C12orf42: variants seen among roughly 807,000 people sequenced by gnomAD.
C12orf42 encodes chromosome 12 open reading frame 42, also known as uncharacterized protein C12orf42.
A neutral mutation model predicts 21.6 loss-of-function variants in C12orf42; 25 were observed. The ratio of observed to expected loss-of-function variants is 1.16; its 90% CI spans 0.84 to 1.62. The LOEUF (loss-of-function observed/expected upper bound fraction) is 1.62, where lower values mean the gene tolerates loss of function less well. Ranked by LOEUF, C12orf42 falls within the 40% of genes most tolerant of loss-of-function variation. C12orf42 has a pLI of 0.00. For missense variants in C12orf42, 483 were observed against 459.3 expected, an observed-to-expected ratio of 1.05 and a Z score of -0.47; for synonymous variants, 174 against 175.0, an observed-to-expected ratio of 0.99 and a Z score of 0.05.
At chr12:103,387,312 A>C (rs751515861) in intron 3 of C12orf42, among the ~76,000 whole-genome samples, 14 of 151,800 alleles carry the variant, frequency 9.2e-5, no homozygotes, top group Non-Finnish European at 1.6e-4. Flanking sequence ...CATCTCCTTC[A>C]CCTCTTTGCT....
the C12orf42 span, among the ~76,000 whole-genome samples, chr12:103,193,786 A>G: frequency 6.6e-6 from 1 of 152,232 alleles, no homozygotes; most frequent in Non-Finnish European, 1.5e-5. Context: ...ATTAATACCA[A>G]TCACTTTTAA....
the C12orf42 span, among the ~76,000 whole-genome samples, chr12:103,180,615 CTTTTTTTTTTTTTTTTTTTT>C: frequency 3.2e-5 from 2 of 61,964 alleles, no homozygotes; most frequent in South Asian, 1.2e-3. Context: ...AAATAATTTC[CTTTTTTTTTTTTTTTTTTTT>C]TTTTTTTTTT....
chr12:103,250,261 C>T (rs1325535744), intron 10 of C12orf42, among the ~76,000 whole-genome samples: 3 of 152,006 alleles, frequency 2.0e-5, no homozygotes, highest in Admixed American at 1.3e-4. Flanking sequence ...CCAATTATAT[C>T]ACGAGACCCT....
chr12:103,501,650 T>C, the C12orf42 span, among the ~76,000 whole-genome samples: 8 of 152,348 alleles, frequency 5.3e-5, no homozygotes, highest in South Asian at 2.1e-4. Context: ...TGCGCAACTC[T>C]AGTGTTGCCA....
chr12:103,177,761 T>C, the C12orf42 span, among the ~76,000 whole-genome samples: 1 of 152,184 alleles, frequency 6.6e-6, no homozygotes, highest in Non-Finnish European at 1.5e-5. Flanking sequence ...GCTGCTTTTG[T>C]GTATTAAACT....
the C12orf42 span, among the ~76,000 whole-genome samples, chr12:103,555,250 CCTCA>C: frequency 6.6e-6 from 1 of 152,102 alleles, no homozygotes; most frequent in Admixed American, 6.5e-5. Flanking sequence ...GCTGGGGAGG[CCTCA>C]CAATCATGGT....
intron 3 of C12orf42, among the ~76,000 whole-genome samples, chr12:103,394,565 G>T (rs1277545883): frequency 6.6e-6 from 1 of 152,214 alleles, no homozygotes; most frequent in Non-Finnish European, 1.5e-5. Context: ...TATAATCGCT[G>T]ATTTGGTTAT....
chr12:103,071,786 T>A, the C12orf42 span, among the ~76,000 whole-genome samples: 1 of 152,072 alleles, frequency 6.6e-6, no homozygotes, highest in Non-Finnish European at 1.5e-5. Context: ...TATAAATTAC[T>A]CAGTCTTGAC....
At chr12:103,256,107 TATATACACACACACAC>T (rs1354720623) in intron 10 of C12orf42, among the ~76,000 whole-genome samples, 393 of 39,036 alleles carry the variant, frequency 0.01, 2 homozygotes, top group South Asian at 0.016. Context: ...TATATATATA[TATATACACACACACAC>T]ACACACACAC....
At chr12:103,345,443 C>T (rs11837661) in intron 4 of C12orf42, among the ~76,000 whole-genome samples, 18 of 152,140 alleles carry the variant, frequency 1.2e-4, no homozygotes, top group African/African-American at 4.3e-4. Flanking sequence ...TCATTATTAT[C>T]ATTATTCCAG....
chr12:103,075,930 A>C, the C12orf42 span, among the ~76,000 whole-genome samples: 1 of 152,158 alleles, frequency 6.6e-6, no homozygotes, highest in African/African-American at 2.4e-5. Flanking sequence ...GAGCTTAGAA[A>C]ACTCAGGAGG....
At chr12:103,111,251 T>C in the C12orf42 span, among the ~76,000 whole-genome samples, 2 of 152,196 alleles carry the variant, frequency 1.3e-5, no homozygotes, top group African/African-American at 2.4e-5. Flanking sequence ...GACTATTCAT[T>C]GATGTGTATT....
the C12orf42 span, chr12:103,156,351 A>C: frequency 6.6e-6 from 1 of 152,298 alleles, no homozygotes; most frequent in South Asian, 2.1e-4. Context: ...GAAAAGGGGC[A>C]TAAAGGTGGG....
the C12orf42 span, among the ~76,000 whole-genome samples, chr12:103,518,397 C>T: frequency 3.2e-4 from 48 of 152,290 alleles, 2 homozygotes; most frequent in African/African-American, 6.7e-4. Flanking sequence ...TGGGACTAGA[C>T]GCCAGAAACT....
the C12orf42 span, chr12:103,550,315 AGTG>A: frequency 5.9e-5 from 9 of 152,260 alleles, 1 homozygote; most frequent in Admixed American, 2.6e-4. Flanking sequence ...CTAAGTTTTG[AGTG>A]GTAACTTTTC....
the C12orf42 span, among the ~76,000 whole-genome samples, chr12:103,206,016 T>C: frequency 6.6e-6 from 1 of 152,244 alleles, no homozygotes; most frequent in Non-Finnish European, 1.5e-5. Context: ...TCTCTGCTGA[T>C]GGTTCACACC....
At chr12:103,449,091 A>ATAGG (rs1344727481) in intron 2 of C12orf42, among the ~76,000 whole-genome samples, 1 of 150,228 alleles carries the variant, frequency 6.7e-6, no homozygotes, top group Non-Finnish European at 1.5e-5. Flanking sequence ...TGATAGATAG[A>ATAGG]TAGATAGATA....
chr12:103,299,431 T>A (rs910124748), downstream of C12orf42, among the ~76,000 whole-genome samples: 1 of 152,014 alleles, frequency 6.6e-6, no homozygotes, highest in Non-Finnish European at 1.5e-5. Context: ...AATACTTAGT[T>A]TCTTCAGTGC....
the C12orf42 span, among the ~76,000 whole-genome samples, chr12:103,507,119 T>TA: frequency 0.025 from 297 of 11,946 alleles, 57 homozygotes; most frequent in African/African-American, 0.3. Flanking sequence ...AAATATATAT[T>TA]TATATATAAT....
Sources: allele counts gnomAD v4.1 joint callset (sites outside exome capture counted in the v4.1 genomes callset), GRCh38; gene constraint gnomAD v4.1.1; transcripts MANE v1.5; gene names NCBI Gene and HGNC (gene_info 2026-07-23, HGNC 2026-07-21).